The following LIMCH1 variants were observed in gnomAD, a reference collection of about 807,000 sequenced individuals.
The protein encoded by LIMCH1 is LIM and calponin homology domains 1, also known as LIM and calponin homology domains-containing protein 1.
LIMCH1 carries 113 observed loss-of-function variants against 176.5 expected under a neutral mutation model. The ratio of observed to expected loss-of-function variants is 0.64; its 90% CI spans 0.55 to 0.75. LIMCH1 has a LOEUF of 0.75. LIMCH1 is among the 30% of genes least tolerant of loss of function. LIMCH1 has a pLI of 0.00. For missense variants in LIMCH1, 1,674 were observed against 1,814.9 expected, an observed-to-expected ratio of 0.92 and a Z score of 1.41; for synonymous variants, 619 against 645.9, an observed-to-expected ratio of 0.96 and a Z score of 0.63.
At chr4:41,620,151 T>G in intron 6 of LIMCH1, 1 of 393,440 alleles carries the variant, frequency 2.5e-6, no homozygotes, top group Non-Finnish European at 4.5e-6. Context: ...AATTTTTAAT[T>G]TGCTGAACAA....
At chr4:41,368,479 G>A (rs554023934) in intron 1 of LIMCH1, among the ~76,000 whole-genome samples, 1 of 152,252 alleles carries the variant, frequency 6.6e-6, no homozygotes, top group African/African-American at 2.4e-5. Flanking sequence ...AAAGAATGGG[G>A]CAGGGGGGAT....
intron 1 of LIMCH1, among the ~76,000 whole-genome samples, chr4:41,494,368 T>A (rs901629465): frequency 6.0e-5 from 9 of 150,350 alleles, no homozygotes; most frequent in Non-Finnish European, 1.3e-4. Flanking sequence ...CACATACACA[T>A]ACATATATAC....
intron 2 of LIMCH1, among the ~76,000 whole-genome samples, chr4:41,498,054 A>G (rs1448070235): frequency 6.6e-6 from 1 of 152,138 alleles, no homozygotes; most frequent in African/African-American, 2.4e-5. Context: ...AGAAAAATGT[A>G]AGCATCAAGG....
intron 1 of LIMCH1, among the ~76,000 whole-genome samples, chr4:41,374,886 C>T (rs986401751): frequency 1.3e-5 from 2 of 152,218 alleles, no homozygotes; most frequent in East Asian, 1.9e-4. Flanking sequence ...CTCAAGTTCT[C>T]TTTACACCCT....
intron 1 of LIMCH1, among the ~76,000 whole-genome samples, chr4:41,361,935 C>G (rs1198319157): frequency 6.6e-6 from 1 of 152,190 alleles, no homozygotes; most frequent in Non-Finnish European, 1.5e-5. Context: ...AAGCAGCCCT[C>G]TTTGCCTGGT....
chr4:41,414,911 G>C (rs956946305), intron 1 of LIMCH1, among the ~76,000 whole-genome samples: 1 of 152,204 alleles, frequency 6.6e-6, no homozygotes, highest in East Asian at 1.9e-4. Flanking sequence ...TTAGGAACAC[G>C]GACTCTGGAA....
chr4:41,439,144 A>G (rs1418770399), intron 1 of LIMCH1, among the ~76,000 whole-genome samples: 1 of 152,196 alleles, frequency 6.6e-6, no homozygotes, highest in East Asian at 1.9e-4. Context: ...GACAAACTTG[A>G]ATTCCAGCAA....
intron 1 of LIMCH1, among the ~76,000 whole-genome samples, chr4:41,370,644 C>CT (rs575563957): frequency 1.2e-4 from 18 of 152,134 alleles, no homozygotes; most frequent in Non-Finnish European, 1.8e-4. Flanking sequence ...AAGTAGAAGC[C>CT]TGATTCATTA....
chr4:41,403,888 C>A (rs1015882734), intron 1 of LIMCH1, among the ~76,000 whole-genome samples: 1 of 152,096 alleles, frequency 6.6e-6, no homozygotes, highest in African/African-American at 2.4e-5. Flanking sequence ...TTGCTGCTGT[C>A]CAAATATTTA....
At chr4:41,573,675 G>A (rs1013462933) in intron 1 of LIMCH1, among the ~76,000 whole-genome samples, 1 of 152,170 alleles carries the variant, frequency 6.6e-6, no homozygotes, top group Non-Finnish European at 1.5e-5. Context: ...AAATCAACTT[G>A]TGATGAGCAA....
At chr4:41,511,980 G>A (rs2074980277) in intron 2 of LIMCH1, among the ~76,000 whole-genome samples, 1 of 151,986 alleles carries the variant, frequency 6.6e-6, no homozygotes, top group African/African-American at 2.4e-5. Context: ...CCCACAGAAT[G>A]GGAAAAAATA....
At chr4:41,558,944 A>G (rs71608081) in intron 1 of LIMCH1, among the ~76,000 whole-genome samples, 7,077 of 152,238 alleles carry the variant, frequency 0.046, 234 homozygotes, top group South Asian at 0.16. Flanking sequence ...ATTATGATAA[A>G]TGTTTGACTT....
chr4:41,410,627 A>C (rs1003281066), intron 1 of LIMCH1, among the ~76,000 whole-genome samples: 2 of 152,112 alleles, frequency 1.3e-5, no homozygotes, highest in Admixed American at 6.5e-5. Flanking sequence ...TGCTCCCTGC[A>C]AGACAGCACC....
chr4:41,569,619 G>A (rs753100006), intron 1 of LIMCH1, among the ~76,000 whole-genome samples: 30 of 152,106 alleles, frequency 2.0e-4, no homozygotes, highest in Non-Finnish European at 3.7e-4. Flanking sequence ...GAACACATTA[G>A]CTATATAGTA....
chr4:41,526,261 CTT>C (rs11384675), intron 3 of LIMCH1, among the ~76,000 whole-genome samples: 52 of 130,952 alleles, frequency 4.0e-4, no homozygotes, highest in Non-Finnish European at 4.5e-4. Context: ...CTTGCTATCG[CTT>C]TTTTTTTTTT....
rs1385656116 is a variant in LIMCH1, at chr4:41,501,886, TA to T, written c.167+7288del. Reference sequence around the variant, plus strand: ...TTTTTTTTTTTTTTTTTTTTTTTTTTAAAAAAAACCTTCAATTTTTATTTTA... The same window carrying T: ...TTTTTTTTTTTTTTTTTTTTTTTTTTAAAAAAACCTTCAATTTTTATTTTA... On this transcript the variant is annotated intron_variant, in intron 2 of 26. Transcript: ENST00000313860. Among the ~76,000 whole-genome samples, 121 of 97,938 alleles carry T rather than the reference TA, an allele frequency of 1.2e-3. 2 individuals are homozygous for T. The highest frequency in any genetic ancestry group is 4.6e-3 in the South Asian group (14 of 3,018). 64.3% of individuals were successfully genotyped at this position (97,938 alleles called of 152,430 possible). A position where few individuals can be genotyped will look rare whatever the true frequency, so the allele number is the denominator to read the frequency against.
chr4:41,692,979 G>GA (rs1727422650), intron 31 of LIMCH1: 1 of 152,270 alleles, frequency 6.6e-6, no homozygotes, highest in African/African-American at 2.4e-5. Context: ...TAGTAAGTGA[G>GA]AAGCCTGCTT....
intron 13 of LIMCH1, among the ~76,000 whole-genome samples, chr4:41,638,343 C>A (rs1003046295): frequency 1.3e-5 from 2 of 152,064 alleles, no homozygotes; most frequent in Non-Finnish European, 2.9e-5. Flanking sequence ...TTAAGGCTAC[C>A]AGTTTTCTAG....
intron 18 of LIMCH1, among the ~76,000 whole-genome samples, chr4:41,653,844 T>G (rs2094384983): frequency 6.6e-6 from 1 of 152,252 alleles, no homozygotes; most frequent in South Asian, 2.1e-4. Flanking sequence ...CTCTCTTACT[T>G]TAGAACTAGG....
Sources: allele counts gnomAD v4.1 joint callset (sites outside exome capture counted in the v4.1 genomes callset), GRCh38; gene constraint gnomAD v4.1.1; transcripts MANE v1.5; gene names NCBI Gene and HGNC (gene_info 2026-07-23, HGNC 2026-07-21).